PCDHA3: variants seen among roughly 807,000 people sequenced by gnomAD.
PCDHA3 encodes the protein protocadherin alpha 3.
Under a neutral mutation model 62.2 loss-of-function variants are expected in PCDHA3, and 41 were observed. The ratio of observed to expected loss-of-function variants is 0.66; its 90% CI spans 0.51 to 0.86. PCDHA3 has a LOEUF of 0.86. Among genes scored for constraint, PCDHA3 ranks in the 40% least tolerant of loss-of-function variants. The pLI, the probability that PCDHA3 is intolerant of heterozygous loss-of-function variation, is 0.00. For missense variants in PCDHA3, 1,304 were observed against 1,241.2 expected (o/e 1.05, Z -0.76); for synonymous variants, 640 against 555.4 (o/e 1.15, Z -2.14).
chr5:140,835,566 T>G, intron 1 of PCDHA3: 1 of 1,613,930 alleles, frequency 6.2e-7, no homozygotes, highest in African/African-American at 1.3e-5. Flanking sequence ...CCGCGTTCCC[T>G]TCAAGTTGGT....
rs142570778 is a variant in PCDHA3 at position 141,009,810 on chromosome 5, A to G, written c.2726A>G (p.Asp909Gly). ...CAGGAGCCTACTAACAGCCAAATTG[A>G]CAAAAGTGACTTCATAACCTTCGGC... ...IRQEPTNSQI[D>G]KSDFITFGKK... The change falls in exon 4 of 4, where the codon GAC (aspartate) becomes GGC (glycine). Residue 909 changes from aspartate to glycine, a missense_variant. Asp to Gly is a moderately conservative substitution (Grantham distance 94). Transcript: ENST00000522353. 8 of 1,614,016 alleles carry G rather than the reference A, an allele frequency of 5.0e-6. No individual in the cohort carries two copies. Among genetic ancestry groups the G allele is most frequent in the Admixed American group, 3.3e-5 (2 of 60,000 alleles).
At chr5:140,856,807 T>C in intron 1 of PCDHA3, 1 of 1,594,936 alleles carries the variant, frequency 6.3e-7, no homozygotes, top group Non-Finnish European at 8.6e-7. Context: ...TGTATGAAAA[T>C]CAAGTGAACC....
intron 1 of PCDHA3, among the ~76,000 whole-genome samples, chr5:140,879,151 T>C (rs1409921025): frequency 6.6e-6 from 1 of 152,216 alleles, no homozygotes; most frequent in Non-Finnish European, 1.5e-5. Flanking sequence ...GCAGGAAAGC[T>C]ATTTCTTTTT....
chr5:140,808,898 G>A, intron 1 of PCDHA3: 2 of 1,613,480 alleles, frequency 1.2e-6, no homozygotes, highest in Non-Finnish European at 1.7e-6. Context: ...GCCTCGGGCG[G>A]GTGGCACTGG....
chr5:140,829,529 C>A (rs2150169515), intron 1 of PCDHA3: 1 of 1,613,272 alleles, frequency 6.2e-7, no homozygotes, highest in Non-Finnish European at 8.5e-7. Context: ...GGTGTCTGCG[C>A]GAGACGCGGA....
intron 1 of PCDHA3, chr5:140,875,971 CTT>C: frequency 6.2e-7 from 1 of 1,614,030 alleles, no homozygotes. Flanking sequence ...CGTAAACTCT[CTT>C]TTGACCTATG....
At chr5:140,850,748 G>T (rs2150496861) in intron 1 of PCDHA3, 2 of 1,597,980 alleles carry the variant, frequency 1.3e-6, no homozygotes, top group South Asian at 1.1e-5. Flanking sequence ...GGTCGTACTC[G>T]CAGCAGAGGA....
intron 1 of PCDHA3, chr5:140,928,625 A>T: frequency 6.2e-7 from 1 of 1,614,224 alleles, no homozygotes; most frequent in African/African-American, 1.3e-5. Flanking sequence ...AGGACTGGAC[A>T]CTTGGTCACA....
At chr5:140,855,751 T>G in intron 1 of PCDHA3, 1 of 328,292 alleles carries the variant, frequency 3.0e-6, no homozygotes, top group Non-Finnish European at 5.6e-6. Flanking sequence ...ATGTGAGGCT[T>G]TGAAAGTCCA....
intron 1 of PCDHA3, chr5:140,853,184 T>G (rs1229624873): frequency 1.0e-6 from 1 of 977,906 alleles, no homozygotes; most frequent in East Asian, 1.1e-4. Context: ...TGGCCTAAAA[T>G]GTGTTCTTTA....
intron 1 of PCDHA3, chr5:140,883,386 G>C (rs1554177993): frequency 6.2e-7 from 1 of 1,614,138 alleles, no homozygotes; most frequent in South Asian, 1.1e-5. Context: ...GCCCTAATCA[G>C]TGTGTCCGAT....
intron 1 of PCDHA3, among the ~76,000 whole-genome samples, chr5:140,886,721 G>A (rs2061104522): frequency 6.6e-6 from 1 of 151,592 alleles, no homozygotes; most frequent in Non-Finnish European, 1.5e-5. Context: ...AGCTACTTGG[G>A]AGGCTGAAGC....
chr5:140,910,191 CTT>C (rs1384563815), intron 1 of PCDHA3, among the ~76,000 whole-genome samples: 2 of 152,152 alleles, frequency 1.3e-5, no homozygotes, highest in Non-Finnish European at 2.9e-5. Context: ...TCAAATTAGT[CTT>C]TTGTCCACTT....
In PCDHA3 at chr5:140,987,225, A is replaced by T. The variant is rs182444933; in HGVS notation, c.2542+4662A>T. On this transcript the variant is annotated intron_variant, in intron 3 of 3. Transcript: ENST00000522353. Reference sequence around the variant, plus strand: ...TGAGACTCCATCTCAAAAAAAAAAAAAATAATAAATAAAGAAAGAAAGACA... The same window carrying T: ...TGAGACTCCATCTCAAAAAAAAAAATAATAATAAATAAAGAAAGAAAGACA... 6.5e-3 allele frequency among the ~76,000 whole-genome samples: 935 copies of T among 143,134 alleles called. 9 individuals carry two copies. Among genetic ancestry groups the T allele is most frequent in the African/African-American group, 0.025 (815 of 32,962 alleles). The allele number at this position is 143,134 out of a possible 152,430, so 93.9% of individuals were successfully genotyped here. A position where few individuals can be genotyped will look rare whatever the true frequency, so the allele number is the denominator to read the frequency against.
At position 140,985,761 on chromosome 5, in the gene PCDHA3, A is replaced by C. The variant is rs1239020885; in HGVS notation, c.2542+3198A>C. On this transcript the variant is annotated intron_variant, in intron 3 of 3. Transcript: ENST00000522353. ...TTCCTTTTTTTTTTTTTTTTTTTTGAGACAGTCTCGCTCTGTCGCCCAGGC... is the reference window on the plus strand; with the variant it reads ...TTCCTTTTTTTTTTTTTTTTTTTTGCGACAGTCTCGCTCTGTCGCCCAGGC... 7.9e-5 allele frequency among the ~76,000 whole-genome samples: 5 copies of C among 63,266 alleles called. No individual in the cohort carries two copies. In the East Asian group the frequency reaches 3.3e-3, roughly 41 times the overall value. 41.5% of individuals were successfully genotyped at this position (63,266 alleles called of 152,430 possible). A position where few individuals can be genotyped will look rare whatever the true frequency, so the allele number is the denominator to read the frequency against.
chr5:140,891,234 G>A (rs1477518444), intron 1 of PCDHA3, among the ~76,000 whole-genome samples: 2 of 151,932 alleles, frequency 1.3e-5, no homozygotes, highest in Non-Finnish European at 2.9e-5. Context: ...ATCCTGTTCT[G>A]GATTCAGTAG....
chr5:140,850,309 C>A, intron 1 of PCDHA3: 1 of 1,597,088 alleles, frequency 6.3e-7, no homozygotes, highest in Non-Finnish European at 8.6e-7. Context: ...GGCTACAACG[C>A]GTGGCTTTCA....
At chr5:140,836,045 C>T (rs2150251351) in intron 1 of PCDHA3, 3 of 1,613,202 alleles carry the variant, frequency 1.9e-6, no homozygotes, top group East Asian at 2.2e-5. Context: ...TGCAGGTGTT[C>T]GTGCTGGACG....
Position 140,835,881 on chromosome 5 carries a change from G to A in PCDHA3, c.2394+32290G>A, listed in dbSNP as rs200873751. 135 of 1,612,004 alleles carry A rather than the reference G, an allele frequency of 8.4e-5. 2 individuals are homozygous for A. Among genetic ancestry groups the A allele is most frequent in the Non-Finnish European group, 1.1e-4 (125 of 1,179,638 alleles). ...CTACTCGCTGGTGGAGCTGCGGGTG[G>A]GCGAGCGCGCGCTGTCGAGCTACGT... On this transcript the variant is annotated intron_variant, in intron 1 of 3. Transcript: ENST00000522353.
Sources: allele counts gnomAD v4.1 joint callset (sites outside exome capture counted in the v4.1 genomes callset), GRCh38; gene constraint gnomAD v4.1.1; transcripts MANE v1.5; gene names NCBI Gene and HGNC (gene_info 2026-07-23, HGNC 2026-07-21).